The following TMEM132D variants were observed in gnomAD, a reference collection of about 807,000 sequenced individuals.
TMEM132D encodes the protein transmembrane protein 132D.
In TMEM132D, 21 loss-of-function variants were observed where a neutral mutation model predicts 62.3. The ratio of observed to expected loss-of-function variants is 0.34; its 90% CI spans 0.24 to 0.49. The LOEUF (loss-of-function observed/expected upper bound fraction) is 0.49. Ranked by LOEUF, TMEM132D falls within the 20% of genes least tolerant of loss-of-function variation. The pLI is 0.99. For synonymous variants in TMEM132D, 621 were observed against 575.6 expected (o/e 1.08, Z -1.13); for missense variants, 1,346 against 1,402.8 (o/e 0.96, Z 0.65).
At chr12:129,134,211 C>A (rs377269732) in intron 5 of TMEM132D, among the ~76,000 whole-genome samples, 54 of 148,310 alleles carry the variant, frequency 3.6e-4, no homozygotes, top group African/African-American at 1.2e-3. Context: ...TGTGTGTGTG[C>A]GTGTAAACTA....
chr12:129,483,986 T>C (rs1593031967), intron 3 of TMEM132D, among the ~76,000 whole-genome samples: 1 of 152,322 alleles, frequency 6.6e-6, no homozygotes, highest in East Asian at 1.9e-4. Flanking sequence ...TCTCTTTTTT[T>C]TGAGGCAGAG....
intron 3 of TMEM132D, among the ~76,000 whole-genome samples, chr12:129,367,271 T>C (rs1870444889): frequency 6.6e-6 from 1 of 151,254 alleles, no homozygotes; most frequent in South Asian, 2.1e-4. Context: ...TCTGTCTGTC[T>C]ATCCATCTAT....
chr12:129,551,495 T>G (rs1876897448), intron 2 of TMEM132D, among the ~76,000 whole-genome samples: 2 of 152,252 alleles, frequency 1.3e-5, no homozygotes, highest in African/African-American at 2.4e-5. Context: ...TTTGATCATC[T>G]GAGCCAATAA....
chr12:129,294,693 C>T (rs974146905), intron 4 of TMEM132D, among the ~76,000 whole-genome samples: 4 of 152,298 alleles, frequency 2.6e-5, no homozygotes, highest in Admixed American at 6.5e-5. Flanking sequence ...TTCCAAGATA[C>T]CAGGAACCTC....
At chr12:129,629,921 T>C (rs1356107321) in intron 2 of TMEM132D, among the ~76,000 whole-genome samples, 2 of 152,214 alleles carry the variant, frequency 1.3e-5, no homozygotes, top group South Asian at 4.1e-4. Flanking sequence ...TTATAATCTA[T>C]TACTCAAGAT....
chr12:129,424,437 T>A (rs1872428225), intron 3 of TMEM132D, among the ~76,000 whole-genome samples: 1 of 152,128 alleles, frequency 6.6e-6, no homozygotes, highest in South Asian at 2.1e-4. Flanking sequence ...TGCAGGATGC[T>A]TTCTGTTTTC....
chr12:129,403,367 C>T (rs751340726), intron 3 of TMEM132D, among the ~76,000 whole-genome samples: 16 of 150,770 alleles, frequency 1.1e-4, no homozygotes, highest in African/African-American at 1.7e-4. Flanking sequence ...ACACATAACT[C>T]GCTGGAAGAA....
At chr12:129,289,003 G>C (rs1593324516) in intron 4 of TMEM132D, among the ~76,000 whole-genome samples, 1 of 152,064 alleles carries the variant, frequency 6.6e-6, no homozygotes, top group Admixed American at 6.5e-5. Context: ...TGTATGAATT[G>C]TATTGTATTA....
At position 129,292,586 on chromosome 12, in the gene TMEM132D, C is replaced by T. The variant is rs148560310; in HGVS notation, c.1299+45048G>A. 2.9e-3 allele frequency among the ~76,000 whole-genome samples: 447 copies of T among 152,316 alleles called. 2 individuals carry two copies. The highest frequency in any genetic ancestry group is 8.5e-3 in the South Asian group (41 of 4,824). ...TTCAGTTTCGGATTTATAAACCTAA[C>T]CTCTGGTTCCTCCTATCCTGCCACC... On this transcript the variant is annotated intron_variant, in intron 4 of 8. Transcript: ENST00000422113.
chr12:129,897,772 T>C (rs761949486), intron 1 of TMEM132D, among the ~76,000 whole-genome samples: 12 of 152,206 alleles, frequency 7.9e-5, no homozygotes, highest in Non-Finnish European at 1.6e-4. Context: ...GCTCAACAAA[T>C]ATCAAGGGTC....
chr12:129,404,343 C>T (rs1254604055), intron 3 of TMEM132D, among the ~76,000 whole-genome samples: 1 of 152,076 alleles, frequency 6.6e-6, no homozygotes, highest in Non-Finnish European at 1.5e-5. Flanking sequence ...GGACTACAGG[C>T]ACCCACCACC....
chr12:129,220,035 T>C (rs975265638), intron 4 of TMEM132D, among the ~76,000 whole-genome samples: 7 of 152,214 alleles, frequency 4.6e-5, no homozygotes, highest in African/African-American at 7.2e-5. Context: ...TACCCATTCC[T>C]CAAAACATCT....
intron 1 of TMEM132D, among the ~76,000 whole-genome samples, chr12:129,813,297 C>T (rs529118526): frequency 1.1e-4 from 17 of 151,796 alleles, no homozygotes; most frequent in Non-Finnish European, 2.2e-4. Context: ...CAAACACACA[C>T]TTCACAACTG....
chr12:129,377,770 C>T (rs1192301045), intron 3 of TMEM132D, among the ~76,000 whole-genome samples: 1 of 152,240 alleles, frequency 6.6e-6, no homozygotes, highest in Admixed American at 6.5e-5. Flanking sequence ...CCTTCCATGA[C>T]TGTGCAGACC....
rs1874198773 is a variant in TMEM132D at position 129,074,793 on chromosome 12, T to C, written c.2382A>G (p.Lys794=). The part of the protein sequence containing the change: ...SVLAVGTANI[K]VKFGQNDANP... Reference sequence around the variant, plus strand: ...TAGCATCGTTTTGGCCAAATTTAACTTTGATGTTTGCCGTTCCAACAGCTA... The same window carrying C: ...TAGCATCGTTTTGGCCAAATTTAACCTTGATGTTTGCCGTTCCAACAGCTA... Residue 794 remains lysine (K), a synonymous_variant, in exon 9 of 9, where the codon AAA becomes AAG. Coordinates refer to ENST00000422113, the MANE Select transcript of TMEM132D (RefSeq NM_133448.3). 3.7e-6 allele frequency: 6 copies of C among 1,614,136 alleles called. No homozygotes were observed. The highest frequency in any genetic ancestry group is 5.1e-6 in the Non-Finnish European group (6 of 1,180,034).
At chr12:129,628,335 A>T (rs1359236171) in intron 2 of TMEM132D, among the ~76,000 whole-genome samples, 1 of 152,150 alleles carries the variant, frequency 6.6e-6, no homozygotes, top group Non-Finnish European at 1.5e-5. Context: ...TGAGTGACAG[A>T]TCCAAGGCAG....
chr12:129,680,364 T>A (rs774515949), intron 2 of TMEM132D, among the ~76,000 whole-genome samples: 1 of 152,244 alleles, frequency 6.6e-6, no homozygotes, highest in Admixed American at 6.5e-5. Flanking sequence ...AAAATTGATT[T>A]CTCACCTTTG....
intron 6 of TMEM132D, among the ~76,000 whole-genome samples, 154 bp from the exon 7 acceptor site, chr12:129,082,186 C>G (rs1230274080): frequency 6.6e-6 from 1 of 152,160 alleles, no homozygotes; most frequent in Non-Finnish European, 1.5e-5. Flanking sequence ...CAGATACTAA[C>G]CACTGCTCTG....
intron 1 of TMEM132D, among the ~76,000 whole-genome samples, chr12:129,902,869 A>T (rs1329685571): frequency 3.3e-5 from 5 of 152,184 alleles, no homozygotes; most frequent in Non-Finnish European, 7.3e-5. Context: ...CAAATTCCAG[A>T]AATCTCCCTG....
Sources: gnomAD v4.1 joint callset for allele counts (sites outside exome capture counted in the v4.1 genomes callset) on GRCh38, gnomAD v4.1.1 for gene constraint, MANE v1.5 for transcripts, NCBI Gene and HGNC (gene_info 2026-07-23, HGNC 2026-07-21) for gene names.